The following OPCML variants were observed in gnomAD, a reference collection of about 807,000 sequenced individuals.
OPCML encodes the protein opioid binding protein/cell adhesion molecule like.
OPCML carries 13 observed loss-of-function variants against 37.8 expected under a neutral mutation model. That is an observed-to-expected ratio of 0.34 (90% CI 0.22 to 0.55). OPCML has a LOEUF of 0.55. Ranked by LOEUF, OPCML falls within the 20% of genes least tolerant of loss-of-function variation. The probability of loss-of-function intolerance (pLI) is 0.91; values close to 1 mark genes in which losing one functional copy is unlikely to be tolerated. For missense variants in OPCML, 341 were observed against 435.6 expected (o/e 0.78, Z 1.93); for synonymous variants, 176 against 168.8 (o/e 1.04, Z -0.33).
At chr11:133,126,050 A>G (rs1380697957) in intron 1 of OPCML, among the ~76,000 whole-genome samples, 1 of 130,472 alleles carries the variant, frequency 7.7e-6, no homozygotes, top group Non-Finnish European at 1.6e-5. Flanking sequence ...CTACATATAC[A>G]CATGTATATA....
intron 1 of OPCML, among the ~76,000 whole-genome samples, chr11:133,184,032 G>A (rs1315620119): frequency 6.6e-6 from 1 of 152,192 alleles, no homozygotes; most frequent in Non-Finnish European, 1.5e-5. Context: ...TGGCTCAGCA[G>A]AGATGATCTG....
At chr11:133,304,167 C>A (rs1316971353) in intron 1 of OPCML, among the ~76,000 whole-genome samples, 2 of 152,158 alleles carry the variant, frequency 1.3e-5, no homozygotes, top group Non-Finnish European at 2.9e-5. Flanking sequence ...GCGTCTACTG[C>A]CAACAGCTCT....
chr11:132,964,774 T>C (rs746531349), intron 1 of OPCML, among the ~76,000 whole-genome samples: 6 of 152,140 alleles, frequency 3.9e-5, no homozygotes, highest in Non-Finnish European at 7.4e-5. Flanking sequence ...TAGTGGGTAA[T>C]ACTACTACCT....
chr11:132,458,065 A>T (rs1214576332), intron 4 of OPCML, among the ~76,000 whole-genome samples: 2 of 152,072 alleles, frequency 1.3e-5, no homozygotes, highest in East Asian at 3.9e-4. Context: ...AGGTGGGGAG[A>T]TATGTGGGAA....
At chr11:132,737,023 T>C (rs990742788) in intron 2 of OPCML, among the ~76,000 whole-genome samples, 2 of 152,244 alleles carry the variant, frequency 1.3e-5, no homozygotes, top group African/African-American at 4.8e-5. Context: ...GTGGATTTTG[T>C]TCCTTGGAGA....
intron 2 of OPCML, among the ~76,000 whole-genome samples, chr11:132,666,264 T>A (rs1309800781): frequency 3.3e-5 from 5 of 152,038 alleles, no homozygotes; most frequent in African/African-American, 7.2e-5. Flanking sequence ...AAGCTTCCAA[T>A]CATAGCAGAA....
intron 2 of OPCML, among the ~76,000 whole-genome samples, chr11:132,893,017 C>T (rs1943710163): frequency 1.3e-5 from 2 of 152,148 alleles, no homozygotes. Flanking sequence ...GTTTATAATT[C>T]CTTCCTTCTC....
chr11:133,377,259 G>A (rs576532388), intron 1 of OPCML, among the ~76,000 whole-genome samples: 1 of 152,062 alleles, frequency 6.6e-6, no homozygotes, highest in South Asian at 2.1e-4. Flanking sequence ...TGCGTGGGAG[G>A]GTGTGTGTGG....
intron 1 of OPCML, among the ~76,000 whole-genome samples, chr11:133,496,494 T>C (rs1234664235): frequency 6.6e-6 from 1 of 152,180 alleles, no homozygotes; most frequent in Non-Finnish European, 1.5e-5. Flanking sequence ...TTTGACAGTA[T>C]GGTCATTTTC....
chr11:132,605,335 A>C (rs560806191), intron 3 of OPCML, among the ~76,000 whole-genome samples: 1 of 152,052 alleles, frequency 6.6e-6, no homozygotes, highest in East Asian at 1.9e-4. Context: ...AGGTGGGTGG[A>C]TCATGAGGTC....
At chr11:132,667,946 T>A (rs1459620982) in intron 2 of OPCML, among the ~76,000 whole-genome samples, 7 of 152,160 alleles carry the variant, frequency 4.6e-5, no homozygotes, top group African/African-American at 1.7e-4. Flanking sequence ...ATGTAGATGA[T>A]GGGTTTATCC....
chr11:132,727,882 C>A (rs1944941910), intron 2 of OPCML, among the ~76,000 whole-genome samples: 1 of 152,192 alleles, frequency 6.6e-6, no homozygotes, highest in Non-Finnish European at 1.5e-5. Context: ...CGAGTGCAGG[C>A]CAAGATCCTG....
At position 133,267,208 on chromosome 11, in the gene OPCML, T is replaced by G. The variant is rs558645009; in HGVS notation, c.61+265056A>C. Among the ~76,000 whole-genome samples, 8 of 152,318 alleles carry G rather than the reference T, an allele frequency of 5.3e-5. No individual in the cohort carries two copies. In the South Asian group the frequency reaches 1.7e-3, roughly 32 times the overall value. ...CTCTGCAATTTACTCGCAGTTTGAT[T>G]TGGACCAAGTTACAGTGTCTCTGAG... On this transcript the variant is annotated intron_variant, in intron 1 of 7. Coordinates refer to ENST00000524381, the MANE Select transcript of OPCML (RefSeq NM_001012393.5).
intron 1 of OPCML, among the ~76,000 whole-genome samples, chr11:133,291,008 G>A (rs1384359131): frequency 6.6e-6 from 1 of 152,176 alleles, no homozygotes; most frequent in Non-Finnish European, 1.5e-5. Context: ...TCAGCCGCAG[G>A]GATTTCTGGG....
At chr11:133,264,402 T>C (rs1201692594) in intron 1 of OPCML, among the ~76,000 whole-genome samples, 9 of 152,224 alleles carry the variant, frequency 5.9e-5, no homozygotes, top group Non-Finnish European at 1.2e-4. Context: ...CAGTGAATTC[T>C]CAAGAGGGAA....
intron 2 of OPCML, among the ~76,000 whole-genome samples, chr11:132,840,702 A>C (rs1446143039): frequency 1.3e-5 from 2 of 152,180 alleles, no homozygotes; most frequent in Non-Finnish European, 2.9e-5. Flanking sequence ...AAATTACACA[A>C]CGTTATTCAC....
At chr11:133,400,384 C>T (rs1202082130) in intron 1 of OPCML, among the ~76,000 whole-genome samples, 1 of 152,188 alleles carries the variant, frequency 6.6e-6, no homozygotes, top group Non-Finnish European at 1.5e-5. Flanking sequence ...ATAAGTTAAG[C>T]AACCCTTTTA....
intron 4 of OPCML, among the ~76,000 whole-genome samples, chr11:132,479,513 G>A (rs1229948032): frequency 6.6e-6 from 1 of 152,218 alleles, no homozygotes; most frequent in Non-Finnish European, 1.5e-5. Flanking sequence ...CGAACTGGGT[G>A]GAGCCCACCA....
At chr11:133,141,059 A>G (rs373713970) in intron 1 of OPCML, among the ~76,000 whole-genome samples, 1 of 51,390 alleles carries the variant, frequency 1.9e-5, no homozygotes, top group Non-Finnish European at 5.7e-5. Flanking sequence ...GAAGAAGAAG[A>G]AGAAGAAGAA....
Sources: gnomAD v4.1 joint callset for allele counts (sites outside exome capture counted in the v4.1 genomes callset) on GRCh38, gnomAD v4.1.1 for gene constraint, MANE v1.5 for transcripts, NCBI Gene and HGNC (gene_info 2026-07-23, HGNC 2026-07-21) for gene names.